The following IL1RAPL1 variants were observed in gnomAD, a reference collection of about 807,000 sequenced individuals.
IL1RAPL1 encodes the protein interleukin-1 receptor accessory protein-like 1.
In IL1RAPL1, 3 loss-of-function variants were observed where a neutral mutation model predicts 48.4. That is an observed-to-expected ratio of 0.06 (90% CI 0.03 to 0.16). IL1RAPL1 has a LOEUF of 0.16. Among genes scored for constraint, IL1RAPL1 ranks in the 10% least tolerant of loss-of-function variants. The pLI, the probability that IL1RAPL1 is intolerant of heterozygous loss-of-function variation, is 1.00. For synonymous variants in IL1RAPL1, 185 were observed against 187.7 expected (o/e 0.99, Z 0.12); for missense variants, 349 against 530.6 (o/e 0.66, Z 3.36).
At chrX:28,679,942 T>C (rs1250453669) in intron 1 of IL1RAPL1, among the ~76,000 whole-genome samples, 2 of 111,599 alleles carry the variant, frequency 1.8e-5, no homozygotes, top group East Asian at 5.6e-4. Flanking sequence ...CTATTTGGAG[T>C]CTTTGTGGTT....
intron 3 of IL1RAPL1, among the ~76,000 whole-genome samples, chrX:29,317,477 C>CT (rs1465637949): frequency 9.0e-6 from 1 of 111,655 alleles, no homozygotes; most frequent in African/African-American, 3.3e-5. Flanking sequence ...CACATAATGG[C>CT]TTTTTTAGAA....
At chrX:29,539,216 A>AT (rs1921349706) in intron 5 of IL1RAPL1, among the ~76,000 whole-genome samples, 1 of 111,846 alleles carries the variant, frequency 8.9e-6, no homozygotes, top group African/African-American at 3.3e-5. Flanking sequence ...ATTCACCAAG[A>AT]TCAAGTAGAT....
intron 1 of IL1RAPL1, among the ~76,000 whole-genome samples, chrX:28,735,402 C>A (rs187099363): frequency 2.5e-3 from 244 of 96,631 alleles, no homozygotes; most frequent in Middle Eastern, 5.3e-3. Flanking sequence ...TCTGGTAATG[C>A]AATGTACGTG....
chrX:29,693,401 T>TA (rs772622201), intron 6 of IL1RAPL1, among the ~76,000 whole-genome samples: 131 of 112,223 alleles, frequency 1.2e-3, no homozygotes, highest in Middle Eastern at 4.6e-3. Context: ...TTCTTTGTCA[T>TA]TATGGGTTTG....
chrX:29,532,927 C>T (rs1403079078), intron 5 of IL1RAPL1, among the ~76,000 whole-genome samples: 2 of 111,799 alleles, frequency 1.8e-5, no homozygotes, highest in Non-Finnish European at 1.9e-5. Context: ...GAATGCAGAG[C>T]ACTAACAACT....
intron 6 of IL1RAPL1, among the ~76,000 whole-genome samples, chrX:29,724,001 G>C (rs1927711813): frequency 9.1e-6 from 1 of 110,420 alleles, no homozygotes; most frequent in Non-Finnish European, 1.9e-5. Flanking sequence ...TTTTAGTAGA[G>C]ATGGGGTTTC....
chrX:28,859,644 T>C (rs1921891526), intron 2 of IL1RAPL1, among the ~76,000 whole-genome samples: 2 of 109,998 alleles, frequency 1.8e-5, no homozygotes, highest in Admixed American at 9.8e-5. Flanking sequence ...GTAATATAAA[T>C]TTGAACTAGG....
At chrX:29,466,794 T>C (rs1276836176) in intron 5 of IL1RAPL1, among the ~76,000 whole-genome samples, 3 of 112,155 alleles carry the variant, frequency 2.7e-5, no homozygotes, top group African/African-American at 9.7e-5. Flanking sequence ...TCATTGGTTC[T>C]TCTCAACAAT....
At chrX:29,336,136 A>G (rs1003373827) in intron 3 of IL1RAPL1, among the ~76,000 whole-genome samples, 2 of 104,037 alleles carry the variant, frequency 1.9e-5, no homozygotes, top group African/African-American at 6.9e-5. Flanking sequence ...ATATATATCT[A>G]TACCTTATAT....
intron 2 of IL1RAPL1, among the ~76,000 whole-genome samples, chrX:29,225,572 A>C (rs1034949893): frequency 1.8e-5 from 2 of 112,236 alleles, no homozygotes; most frequent in Non-Finnish European, 3.8e-5. Context: ...AGAGAGTTTC[A>C]TCTCAACTCT....
chrX:29,045,869 A>AT lies in IL1RAPL1; in HGVS notation c.83-237063dup, dbSNP rs1469404605. Among the ~76,000 whole-genome samples the AT allele has an allele frequency of 6.1e-4, 67 of 109,068 alleles. No homozygotes were observed. The Middle Eastern group carries it at 0.029, about 47-fold the overall frequency. 94.7% of individuals were successfully genotyped at this position (109,068 alleles called of 115,157 possible). ...ACTCCTGTAGCCATTTTTAAAGATT[A>AT]TTTTTTAAATTTTTCTTCCTCCTCC... On this transcript the variant is annotated intron_variant, in intron 2 of 10. Coordinates refer to ENST00000378993, the MANE Select transcript of IL1RAPL1 (RefSeq NM_014271.4).
chrX:29,203,464 C>T (rs1930596970), intron 2 of IL1RAPL1, among the ~76,000 whole-genome samples: 1 of 109,782 alleles, frequency 9.1e-6, no homozygotes, highest in Non-Finnish European at 1.9e-5. Context: ...TTTGGCAGGG[C>T]CCAGTGCCTC....
chrX:29,186,312 T>TG (rs777483500), intron 2 of IL1RAPL1, among the ~76,000 whole-genome samples: 1 of 112,066 alleles, frequency 8.9e-6, no homozygotes, highest in South Asian at 3.7e-4. Flanking sequence ...CTTGGACAGT[T>TG]GCTCTGGCTG....
chrX:28,711,577 A>G (rs73531790), intron 1 of IL1RAPL1, among the ~76,000 whole-genome samples: 1,191 of 110,065 alleles, frequency 0.011, 12 homozygotes, highest in African/African-American at 0.037. Flanking sequence ...AAGAGGTCTG[A>G]TGACTGAGTC....
At chrX:29,754,425 C>T (rs1928562817) in intron 6 of IL1RAPL1, among the ~76,000 whole-genome samples, 1 of 108,912 alleles carries the variant, frequency 9.2e-6, no homozygotes, top group South Asian at 3.9e-4. Context: ...TTCCCCACTA[C>T]CCTGACTCAT....
chrX:28,601,202 T>A (rs1395691436), intron 1 of IL1RAPL1, among the ~76,000 whole-genome samples: 1 of 110,742 alleles, frequency 9.0e-6, no homozygotes, highest in Non-Finnish European at 1.9e-5. Context: ...GGGCGGATCA[T>A]GAGGTAAAGA....
intron 6 of IL1RAPL1, among the ~76,000 whole-genome samples, chrX:29,678,255 T>C (rs1926338380): frequency 9.2e-6 from 1 of 108,209 alleles, no homozygotes; most frequent in Admixed American, 1.0e-4. Flanking sequence ...ATACATAGAG[T>C]GTCCATAAGG....
At position 29,041,452 on chromosome X, in the gene IL1RAPL1, G is replaced by A. The variant is rs376058941; in HGVS notation, c.83-241486G>A. Among the ~76,000 whole-genome samples, 5 of 112,074 alleles carry A rather than the reference G, an allele frequency of 4.5e-5. No individual in the cohort carries two copies. The East Asian group carries it at 8.4e-4, about 19-fold the overall frequency. On this transcript the variant is annotated intron_variant, in intron 2 of 10. Coordinates refer to ENST00000378993, the MANE Select transcript of IL1RAPL1 (RefSeq NM_014271.4). Reference sequence around the variant, plus strand: ...CTGCCTCTAAGGAGCTTATAGTCTAGTTTATCTCAATTTATACAATTTATA... The same window carrying A: ...CTGCCTCTAAGGAGCTTATAGTCTAATTTATCTCAATTTATACAATTTATA...
intron 3 of IL1RAPL1, among the ~76,000 whole-genome samples, chrX:29,336,189 G>GTGTA (rs1555994230): frequency 1.1e-5 from 1 of 94,091 alleles, no homozygotes; most frequent in Non-Finnish European, 2.1e-5. Flanking sequence ...AGGTGTGTGT[G>GTGTA]TATATATATA....
Sources: allele counts gnomAD v4.1 joint callset (sites outside exome capture counted in the v4.1 genomes callset), GRCh38; gene constraint gnomAD v4.1.1; transcripts MANE v1.5; gene names NCBI Gene and HGNC (gene_info 2026-07-23, HGNC 2026-07-21).